The following SPHKAP variants were observed in gnomAD, a reference collection of about 807,000 sequenced individuals.
SPHKAP encodes A-kinase anchor protein SPHKAP.
A neutral mutation model predicts 137.5 loss-of-function variants in SPHKAP; 67 were observed. The ratio of observed to expected loss-of-function variants is 0.49; its 90% CI spans 0.40 to 0.60. The LOEUF (loss-of-function observed/expected upper bound fraction) is 0.60. SPHKAP is among the 20% of genes least tolerant of loss of function. The pLI, the probability that SPHKAP is intolerant of heterozygous loss-of-function variation, is 0.00. For missense variants in SPHKAP, 2,097 were observed against 2,069.3 expected (o/e 1.01, Z -0.26); for synonymous variants, 813 against 785.3 (o/e 1.04, Z -0.59).
chr2:228,126,643 A>T (rs1470217714), intron 2 of SPHKAP, among the ~76,000 whole-genome samples: 1 of 152,220 alleles, frequency 6.6e-6, no homozygotes. Flanking sequence ...TTAACAAAAT[A>T]CCAGGACAAT....
chr2:228,113,589 C>CTATGCA (rs921854842), intron 2 of SPHKAP, among the ~76,000 whole-genome samples: 2 of 148,972 alleles, frequency 1.3e-5, no homozygotes, highest in African/African-American at 2.5e-5. Flanking sequence ...AAATCCCAGT[C>CTATGCA]TATGCATTTA....
At chr2:228,148,764 A>T (rs1447834228) in intron 1 of SPHKAP, among the ~76,000 whole-genome samples, 1 of 152,112 alleles carries the variant, frequency 6.6e-6, no homozygotes. Flanking sequence ...ACAATAAGGG[A>T]GTTACAAACA....
intron 7 of SPHKAP, among the ~76,000 whole-genome samples, chr2:228,004,353 G>A (rs1255323207): frequency 6.6e-6 from 1 of 152,204 alleles, no homozygotes; most frequent in Non-Finnish European, 1.5e-5. Context: ...TTGCGTAGAG[G>A]TGTTTATAGT....
At position 228,021,255 on chromosome 2, in the gene SPHKAP, GACAA is replaced by G. The variant is rs574605401; in HGVS notation, c.697+452_697+455del. On this transcript the variant is annotated intron_variant, in intron 6 of 11. Transcript: ENST00000392056. ...TAGGCATGATCGTACTCCCAAATTA[GACAA>G]ACAAACTAGGCTAGGAAAGATTAGA... Among the ~76,000 whole-genome samples the G allele has an allele frequency of 9.2e-5, 14 of 152,264 alleles. No individual in the cohort carries two copies. The East Asian group carries it at 1.5e-3, about 17-fold the overall frequency.
chr2:228,170,114 G>C (rs748700422), intron 1 of SPHKAP, among the ~76,000 whole-genome samples: 9 of 152,048 alleles, frequency 5.9e-5, no homozygotes, highest in Admixed American at 1.3e-4. Flanking sequence ...GTAAGAACTA[G>C]AATTAAAAAT....
chr2:228,019,052 G>A lies in SPHKAP; in HGVS notation c.1802C>T (p.Pro601Leu). ...PAAEASEAMP[P>L]LCGLASMELG... ...CTCCATGCTTGCTAAACCACAAAGTGGGGGCATGGCTTCAGAAGCCTCAGC... is the reference window on the plus strand; with the variant it reads ...CTCCATGCTTGCTAAACCACAAAGTAGGGGCATGGCTTCAGAAGCCTCAGC... Residue 601 changes from proline to leucine, a missense_variant, in exon 7 of 12, where the codon CCA becomes CTA. Transcript: ENST00000392056. 6.2e-7 allele frequency: 1 copy of A among 1,614,130 alleles called. No individual in the cohort carries two copies. Among genetic ancestry groups the A allele is most frequent in the Non-Finnish European group, 8.5e-7 (1 of 1,180,018 alleles).
chr2:228,003,250 T>C (rs907378541), intron 7 of SPHKAP, among the ~76,000 whole-genome samples: 5 of 152,216 alleles, frequency 3.3e-5, no homozygotes, highest in African/African-American at 1.2e-4. Context: ...CGTTGAGCAG[T>C]GGTTTGTAGT....
intron 1 of SPHKAP, among the ~76,000 whole-genome samples, chr2:228,132,773 G>A (rs1023085970): frequency 6.6e-6 from 1 of 151,128 alleles, no homozygotes; most frequent in Non-Finnish European, 1.5e-5. Context: ...TGAGGCAGGC[G>A]GATCATTTGA....
In SPHKAP at chr2:228,019,196, G is replaced by C. The variant is rs764604687; in HGVS notation, c.1658C>G (p.Ser553Cys). 1.2e-6 allele frequency: 2 copies of C among 1,613,794 alleles called. No individual in the cohort carries two copies. The highest frequency in any genetic ancestry group is 2.2e-5 in the South Asian group (2 of 91,074). Reference sequence around the variant, plus strand: ...CATGCCACACAAAGCAGATGGAAAGGAGTACTCATTGATGGAAGGTTCCTT... The same window carrying C: ...CATGCCACACAAAGCAGATGGAAAGCAGTACTCATTGATGGAAGGTTCCTT... ...GLKEPSINEY[S>C]FPSALCGMTQ... Residue 553 changes from serine to cysteine, a missense_variant, in exon 7 of 12, where the codon TCC becomes TGC. By Grantham distance (112) the Ser-to-Cys change is moderately radical (BLOSUM62 -1). Coordinates refer to ENST00000392056, the MANE Select transcript of SPHKAP (RefSeq NM_001142644.2).
At chr2:228,165,315 C>G (rs577445301) in intron 1 of SPHKAP, among the ~76,000 whole-genome samples, 2 of 152,096 alleles carry the variant, frequency 1.3e-5, no homozygotes, top group African/African-American at 2.4e-5. Flanking sequence ...TCCAATTGAT[C>G]TATGTGCTGT....
chr2:228,019,994 G>A lies in SPHKAP; in HGVS notation c.860C>T (p.Pro287Leu), dbSNP rs751963020. ...PTPLIKTERSPENLTKNTALQ... is the reference protein window; with the variant it reads ...PTPLIKTERSLENLTKNTALQ... ...GGCTGTGTTCTTTGTTAGGTTTTCT[G>A]GAGATCGTTCTGTTTTAATCAATGG... is the stretch of plus-strand genomic sequence containing the variant. Residue 287 changes from proline to leucine, a missense_variant, in exon 7 of 12, where the codon CCA becomes CTA. Coordinates refer to ENST00000392056, the MANE Select transcript of SPHKAP (RefSeq NM_001142644.2). The A allele has an allele frequency of 3.7e-6, 6 of 1,614,196 alleles. No individual in the cohort carries two copies. The highest frequency in any genetic ancestry group is 1.1e-5 in the South Asian group (1 of 91,076).
chr2:228,178,382 T>C (rs1460432585), intron 1 of SPHKAP, among the ~76,000 whole-genome samples: 2 of 152,128 alleles, frequency 1.3e-5, no homozygotes, highest in Non-Finnish European at 1.5e-5. Flanking sequence ...GATGTGATGA[T>C]CAAATAATTT....
intron 11 of SPHKAP, among the ~76,000 whole-genome samples, chr2:227,985,073 C>T (rs986660028): frequency 6.6e-6 from 1 of 152,182 alleles, no homozygotes; most frequent in Non-Finnish European, 1.5e-5. Context: ...AGCCCTAACA[C>T]CAGCTTCTTT....
intron 1 of SPHKAP, among the ~76,000 whole-genome samples, chr2:228,163,663 A>G (rs979949678): frequency 3.3e-5 from 5 of 152,218 alleles, no homozygotes; most frequent in African/African-American, 4.8e-5. Context: ...TGTTGAGAAC[A>G]TGGCAATATA....
intron 3 of SPHKAP, among the ~76,000 whole-genome samples, chr2:228,081,081 T>C (rs1402741234): frequency 6.6e-6 from 1 of 152,102 alleles, no homozygotes; most frequent in Non-Finnish European, 1.5e-5. Flanking sequence ...GAAAGCTGAG[T>C]CATGCAAGAA....
intron 3 of SPHKAP, among the ~76,000 whole-genome samples, chr2:228,081,096 C>T (rs1574831867): frequency 6.6e-6 from 1 of 152,144 alleles, no homozygotes; most frequent in African/African-American, 2.4e-5. Flanking sequence ...CAAGAAGCTG[C>T]CTTTCCTTTT....
intron 6 of SPHKAP, among the ~76,000 whole-genome samples, chr2:228,020,751 A>G (rs1311393774): frequency 3.3e-5 from 5 of 152,172 alleles, no homozygotes; most frequent in Non-Finnish European, 5.9e-5. Context: ...TAAAGCATTG[A>G]CTTTTTTTCC....
At chr2:228,094,547 T>C (rs1697919881) in intron 3 of SPHKAP, among the ~76,000 whole-genome samples, 1 of 152,216 alleles carries the variant, frequency 6.6e-6, no homozygotes, top group Non-Finnish European at 1.5e-5. Context: ...ATCTGACAGA[T>C]GATTATTGAA....
At position 228,133,211 on chromosome 2, in the gene SPHKAP, G is replaced by A. The variant is rs148596915; in HGVS notation, c.33-1126C>T. Reference sequence around the variant, plus strand: ...AGTCCCAACTACTTGGTAGGCTGAGGCAGGAGAATAGCTTGAACCCAGGAG... The same window carrying A: ...AGTCCCAACTACTTGGTAGGCTGAGACAGGAGAATAGCTTGAACCCAGGAG... On this transcript the variant is annotated intron_variant, in intron 1 of 11. Coordinates refer to ENST00000392056, the MANE Select transcript of SPHKAP (RefSeq NM_001142644.2). 4.5e-3 allele frequency among the ~76,000 whole-genome samples: 678 copies of A among 152,092 alleles called. 9 individuals are homozygous for A. The highest frequency in any genetic ancestry group is 6.2e-3 in the Non-Finnish European group (424 of 68,002).
Sources: allele counts gnomAD v4.1 joint callset (sites outside exome capture counted in the v4.1 genomes callset), GRCh38; gene constraint gnomAD v4.1.1; transcripts MANE v1.5; gene names NCBI Gene and HGNC (gene_info 2026-07-23, HGNC 2026-07-21).